Variants in ZFHX4 observed in about 807,000 individuals in gnomAD.
ZFHX4 encodes zinc finger homeobox 4.
In ZFHX4, 56 loss-of-function variants were observed where a neutral mutation model predicts 267.6. That is an observed-to-expected ratio of 0.21 (90% CI 0.17 to 0.26). The LOEUF (loss-of-function observed/expected upper bound fraction) is 0.26. ZFHX4 is among the 10% of genes least tolerant of loss of function. The pLI, the probability that ZFHX4 is intolerant of heterozygous loss-of-function variation, is 1.00. For missense variants in ZFHX4, 4,332 were observed against 4,420.0 expected (o/e 0.98, Z 0.56); for synonymous variants, 1,778 against 1,665.6 (o/e 1.07, Z -1.64).
intron 10 of ZFHX4, among the ~76,000 whole-genome samples, chr8:76,860,062 A>C (rs1211262993): frequency 6.6e-6 from 1 of 152,102 alleles, no homozygotes; most frequent in East Asian, 1.9e-4. Flanking sequence ...AAAAGATAAA[A>C]TTTGACACGC....
At chr8:76,724,900 T>G (rs1808812965) in intron 3 of ZFHX4, among the ~76,000 whole-genome samples, 1 of 152,070 alleles carries the variant, frequency 6.6e-6, no homozygotes, top group Non-Finnish European at 1.5e-5. Context: ...TCCTTGCTAT[T>G]CTAGGAAGGC....
At chr8:76,775,270 A>G (rs1810373076) in intron 3 of ZFHX4, among the ~76,000 whole-genome samples, 3 of 152,220 alleles carry the variant, frequency 2.0e-5, no homozygotes, top group Admixed American at 2.0e-4. Context: ...GATTGTATAA[A>G]TGCTTTGTAC....
intron 4 of ZFHX4, among the ~76,000 whole-genome samples, chr8:76,792,977 TG>T (rs1310000024): frequency 6.6e-6 from 1 of 152,148 alleles, no homozygotes; most frequent in African/African-American, 2.4e-5. Context: ...CACATTGCCG[TG>T]GGGCCTTAAT....
intron 3 of ZFHX4, among the ~76,000 whole-genome samples, chr8:76,711,206 G>C (rs77249314): frequency 0.047 from 7,083 of 152,096 alleles, 356 homozygotes; most frequent in East Asian, 0.24. Context: ...ATTTTCCATA[G>C]AATTTTTTTA....
chr8:76,762,068 A>G (rs6985167), intron 3 of ZFHX4, among the ~76,000 whole-genome samples: 40,537 of 152,054 alleles, frequency 0.27, 7,133 homozygotes, highest in African/African-American at 0.49. Flanking sequence ...GTTCAATGAA[A>G]ACAGATTGAG....
chr8:76,706,392 G>C lies in ZFHX4; in HGVS notation c.2304G>C (p.Arg768=). ...PSKPKQKPTW[R]CEVCDYETNV... is the part of the protein sequence containing the mutation. The stretch of plus-strand genomic sequence containing the variant: ...AACCCAAACAGAAACCCACCTGGCG[G>C]TGTGAAGTTTGTGATTATGAAACCA... The change falls in exon 2 of 11, where the codon CGG becomes CGC. Residue 768 remains arginine, a synonymous_variant. Transcript: ENST00000651372. 3 of 1,614,158 alleles carry C rather than the reference G, an allele frequency of 1.9e-6. No individual in the cohort carries two copies. Among genetic ancestry groups the C allele is most frequent in the Non-Finnish European group, 1.7e-6 (2 of 1,179,996 alleles).
At chr8:76,793,870 G>T (rs1221645577) in intron 4 of ZFHX4, among the ~76,000 whole-genome samples, 1 of 151,996 alleles carries the variant, frequency 6.6e-6, no homozygotes, top group East Asian at 1.9e-4. Flanking sequence ...GACAAATATA[G>T]GTGATTCTTA....
At position 76,778,402 on chromosome 8, in the gene ZFHX4, G is replaced by C. The variant is rs1372032951; in HGVS notation, c.3288G>C (p.Glu1096Asp). The C allele has an allele frequency of 6.2e-7, 1 of 1,613,826 alleles. No individual in the cohort carries two copies. The highest frequency in any genetic ancestry group is 1.7e-5 in the Admixed American group (1 of 60,004). Residue 1096 changes from glutamate to aspartate, a missense_variant, in exon 4 of 11, where the codon GAG becomes GAC. Glu to Asp is a conservative substitution (Grantham distance 45, BLOSUM62 2). Around this residue, in one of 7 missense-constraint regions of ZFHX4, gnomAD observed 1,371 missense variants for 1,423.1 expected, o/e 0.96. Transcript: ENST00000651372. ...CACCAGAGGAGGACAACCTCAGTGA[G>C]ATCTTTTTTGTTAAAGATTGCCCAC... ...GLAPEEDNLS[E>D]IFFVKDCPPN...
intron 4 of ZFHX4, among the ~76,000 whole-genome samples, chr8:76,822,297 T>C (rs1324017863): frequency 6.6e-6 from 1 of 152,112 alleles, no homozygotes; most frequent in Admixed American, 6.6e-5. Flanking sequence ...CCAGTTTCTC[T>C]ACTGACTCCT....
intron 3 of ZFHX4, among the ~76,000 whole-genome samples, chr8:76,717,473 A>G (rs1808607380): frequency 6.6e-6 from 1 of 152,224 alleles, no homozygotes; most frequent in Non-Finnish European, 1.5e-5. Flanking sequence ...GACCACATCT[A>G]TTAAAGAATG....
At chr8:76,683,576 C>A (rs1807608653) in intron 1 of ZFHX4, among the ~76,000 whole-genome samples, 1 of 150,818 alleles carries the variant, frequency 6.6e-6, no homozygotes, top group Admixed American at 6.6e-5. Context: ...TAACTCTGTT[C>A]CATGTTTAAT....
intron 3 of ZFHX4, among the ~76,000 whole-genome samples, chr8:76,775,309 T>C (rs1810373953): frequency 6.6e-6 from 1 of 152,182 alleles, no homozygotes; most frequent in South Asian, 2.1e-4. Flanking sequence ...ATTGGTAAAC[T>C]ACTTAATCAA....
At chr8:76,702,993 C>T (rs182478673) in intron 1 of ZFHX4, among the ~76,000 whole-genome samples, 8 of 150,512 alleles carry the variant, frequency 5.3e-5, no homozygotes, top group Non-Finnish European at 8.9e-5. Context: ...CACACACAAA[C>T]GAAGAGAATG....
chr8:76,775,756 T>C (rs1810384827), intron 3 of ZFHX4, among the ~76,000 whole-genome samples: 1 of 152,116 alleles, frequency 6.6e-6, no homozygotes, highest in African/African-American at 2.4e-5. Flanking sequence ...GTTCCTTTTG[T>C]TTTTGTGCAT....
rs929082361 is a variant in ZFHX4 at position 76,681,400 on chromosome 8, A to G, written c.-267A>G. The G allele has an allele frequency of 3.0e-4, 118 of 398,614 alleles. No individual in the cohort carries two copies. The highest frequency in any genetic ancestry group is 2.2e-3 in the African/African-American group (109 of 48,586). The allele number at this position is 398,614 out of a possible 1,614,324, so 24.7% of individuals were successfully genotyped here. On this transcript the variant is annotated 5_prime_UTR_variant, in exon 1 of 11. An upstream start codon of the reference 5' UTR is lost. Transcript: ENST00000651372. ...CAAACAGCGAGACCGCGGTCGGCAC[A>G]TGCTTTAACTCCTCCCGGACCCCCG...
intron 4 of ZFHX4, among the ~76,000 whole-genome samples, chr8:76,817,130 A>C (rs1330507897): frequency 6.6e-6 from 1 of 152,140 alleles, no homozygotes; most frequent in Non-Finnish European, 1.5e-5. Flanking sequence ...CAGATAGAAT[A>C]TTGTGGATTG....
chr8:76,778,384 G>A lies in ZFHX4; in HGVS notation c.3270G>A (p.Glu1090=), dbSNP rs1260512328. 1 of 1,613,882 alleles carries A rather than the reference G, an allele frequency of 6.2e-7. No homozygotes were observed. The highest frequency in any genetic ancestry group is 1.3e-5 in the African/African-American group (1 of 75,026). The change falls in exon 4 of 11, where the codon GAG becomes GAA. Residue 1090 remains glutamate, a synonymous_variant. Coordinates refer to ENST00000651372, the MANE Select transcript of ZFHX4 (RefSeq NM_024721.5). ...LQLHQQGLAP[E]EDNLSEIFFV... is the part of the protein sequence containing the mutation. ...TCCACCAGCAAGGCCTGGCACCAGAGGAGGACAACCTCAGTGAGATCTTTT... is the reference window on the plus strand; with the variant it reads ...TCCACCAGCAAGGCCTGGCACCAGAAGAGGACAACCTCAGTGAGATCTTTT...
chr8:76,863,998 C>T lies in ZFHX4; in HGVS notation c.10284C>T (p.Phe3428=), dbSNP rs375327925. 106 of 1,613,678 alleles carry T rather than the reference C, an allele frequency of 6.6e-5. No homozygotes were observed. In the East Asian group the frequency reaches 9.4e-4, roughly 14 times the overall value. The change falls in exon 11 of 11, where the codon TTC becomes TTT. Residue 3428 remains phenylalanine, a synonymous_variant. Coordinates refer to ENST00000651372, the MANE Select transcript of ZFHX4 (RefSeq NM_024721.5). ...AVNHQKSFCY[F]GQPLIDPQET... is the part of the protein sequence containing the mutation. ...ATCATCAAAAGTCCTTCTGTTATTT[C>T]GGTCAGCCTTTGATTGACCCACAAG...
At position 76,795,705 on chromosome 8, in the gene ZFHX4, G is replaced by C. The variant is rs1000220285; in HGVS notation, c.3325+17266G>C. Among the ~76,000 whole-genome samples, 47 of 151,962 alleles carry C rather than the reference G, an allele frequency of 3.1e-4. 1 individual carries two copies. Among genetic ancestry groups the C allele is most frequent in the African/African-American group, 1.1e-3 (45 of 41,468 alleles). Reference sequence around the variant, plus strand: ...TTATAGGCATGCACCACCACACCCGGCTAATCTTGTTTTTAGTAGAGACGG... The same window carrying C: ...TTATAGGCATGCACCACCACACCCGCCTAATCTTGTTTTTAGTAGAGACGG... On this transcript the variant is annotated intron_variant, in intron 4 of 10. Transcript: ENST00000651372.
Sources: allele counts gnomAD v4.1 joint callset (sites outside exome capture counted in the v4.1 genomes callset), GRCh38; gene constraint gnomAD v4.1.1; regional missense constraint gnomAD v4.1.1; transcripts MANE v1.5; gene names NCBI Gene and HGNC (gene_info 2026-07-23, HGNC 2026-07-21).